Variants in SAMD5 observed in about 807,000 individuals in gnomAD.
SAMD5 encodes the protein sterile alpha motif domain containing 5.
A neutral mutation model predicts 11.3 loss-of-function variants in SAMD5; 13 were observed. That is an observed-to-expected ratio of 1.15 (90% CI 0.75 to 1.83). The LOEUF (loss-of-function observed/expected upper bound fraction) is 1.83, where lower values mean the gene tolerates loss of function less well. SAMD5 is among the 40% of genes most tolerant of loss of function. The pLI, the probability that SAMD5 is intolerant of heterozygous loss-of-function variation, is 0.00. For missense variants in SAMD5, 255 were observed against 239.1 expected (o/e 1.07, Z -0.44); for synonymous variants, 129 against 111.3 (o/e 1.16, Z -1.00).
At chr6:147,856,039 A>T in the SAMD5 span, among the ~76,000 whole-genome samples, 1 of 152,212 alleles carries the variant, frequency 6.6e-6, no homozygotes, top group African/African-American at 2.4e-5. Context: ...ATCCATCAAG[A>T]GATGAATACA....
the SAMD5 span, among the ~76,000 whole-genome samples, chr6:147,831,179 TTTTATC>T: frequency 6.6e-6 from 1 of 152,230 alleles, no homozygotes; most frequent in Non-Finnish European, 1.5e-5. Context: ...TGCAAATTGT[TTTTATC>T]TTAAGAATAA....
At chr6:147,654,637 C>T (rs118055904) in intron 1 of SAMD5, among the ~76,000 whole-genome samples, 1,593 of 152,054 alleles carry the variant, frequency 0.01, 13 homozygotes, top group Non-Finnish European at 0.017. Context: ...CTCCTGCTGC[C>T]GCTGCTGCTG....
At chr6:147,682,137 C>T (rs1384259715) in intron 1 of SAMD5, among the ~76,000 whole-genome samples, 9 of 152,218 alleles carry the variant, frequency 5.9e-5, no homozygotes, top group Non-Finnish European at 1.3e-4. Flanking sequence ...TTTACAGTGG[C>T]ATCAGGCTCT....
intron 1 of SAMD5, among the ~76,000 whole-genome samples, chr6:147,733,546 G>T (rs373226266): frequency 1.3e-5 from 2 of 151,554 alleles, no homozygotes; most frequent in South Asian, 4.2e-4. Flanking sequence ...AGTCACTCCA[G>T]TCAGGACTTG....
rs55877273 is a variant in SAMD5 at position 147,669,420 on chromosome 6, C to CTT, written c.163-67873_163-67872dup. 8.5e-3 allele frequency among the ~76,000 whole-genome samples: 629 copies of CTT among 74,424 alleles called. 1 individual carries two copies. Among genetic ancestry groups the CTT allele is most frequent in the Middle Eastern group, 0.024 (2 of 84 alleles). 48.8% of individuals were successfully genotyped at this position (74,424 alleles called of 152,430 possible). On this transcript the variant is annotated intron_variant, in intron 1 of 1. Coordinates refer to the SAMD5 transcript ENST00000566741. The stretch of plus-strand genomic sequence containing the variant: ...TCAGTTGCATCTTCAAGCTCCACTT[C>CTT]TTTTTTTTTTTTTTTTTTTTTTTTT...
the SAMD5 span, among the ~76,000 whole-genome samples, chr6:147,882,266 A>G: frequency 3.3e-5 from 5 of 152,186 alleles, no homozygotes; most frequent in Non-Finnish European, 7.3e-5. Context: ...TATATTTATT[A>G]TCATTATTTT....
chr6:147,898,892 A>G, the SAMD5 span, among the ~76,000 whole-genome samples: 6 of 152,034 alleles, frequency 3.9e-5, no homozygotes, highest in Admixed American at 1.3e-4. Context: ...ATAAGATAAC[A>G]TGTGTTGGCC....
the SAMD5 span, among the ~76,000 whole-genome samples, chr6:147,793,195 C>G: frequency 3.3e-4 from 50 of 152,232 alleles, no homozygotes; most frequent in East Asian, 6.4e-3. Context: ...TTGACAAGAC[C>G]TGGTGAAAAT....
At chr6:147,937,398 G>T in the SAMD5 span, among the ~76,000 whole-genome samples, 1 of 152,092 alleles carries the variant, frequency 6.6e-6, no homozygotes, top group African/African-American at 2.4e-5. Flanking sequence ...AGGGCTCTCT[G>T]CAGGTTTCCT....
At chr6:147,743,617 G>A in the SAMD5 span, among the ~76,000 whole-genome samples, 10 of 152,136 alleles carry the variant, frequency 6.6e-5, no homozygotes, top group African/African-American at 2.4e-4. Context: ...TTTATTTGAA[G>A]CAAATGCATA....
At chr6:147,816,301 A>AAAAAATATATATATATATATATAT in the SAMD5 span, among the ~76,000 whole-genome samples, 2 of 66,356 alleles carry the variant, frequency 3.0e-5, no homozygotes, top group East Asian at 4.5e-4. Flanking sequence ...AAAAAAAAAA[A>AAAAAATATATATATATATATATAT]ATATATATAT....
At chr6:147,734,753 A>G (rs1372849421) in intron 1 of SAMD5, among the ~76,000 whole-genome samples, 6 of 146,756 alleles carry the variant, frequency 4.1e-5, no homozygotes, top group Non-Finnish European at 7.6e-5. Context: ...GATTTAGAAC[A>G]CAAATCAAAT....
the SAMD5 span, among the ~76,000 whole-genome samples, chr6:147,816,992 T>C: frequency 5.3e-5 from 8 of 152,142 alleles, no homozygotes; most frequent in Non-Finnish European, 1.2e-4. Context: ...AAAAGGTATC[T>C]GATCAGGTTA....
At chr6:147,838,602 T>G in the SAMD5 span, among the ~76,000 whole-genome samples, 4 of 145,258 alleles carry the variant, frequency 2.8e-5, no homozygotes, top group Non-Finnish European at 6.0e-5. Flanking sequence ...TTTTTGTTCC[T>G]TGATGCAATT....
the SAMD5 span, among the ~76,000 whole-genome samples, chr6:147,854,453 G>A: frequency 6.6e-6 from 1 of 152,170 alleles, no homozygotes; most frequent in African/African-American, 2.4e-5. Context: ...CGAAGTGGAG[G>A]ATGAATTAGA....
the SAMD5 span, among the ~76,000 whole-genome samples, chr6:147,795,131 C>T: frequency 6.7e-5 from 10 of 148,616 alleles, no homozygotes; most frequent in South Asian, 2.2e-4. Context: ...TAGTTACATA[C>T]GTATACATGT....
intron 1 of SAMD5, among the ~76,000 whole-genome samples, chr6:147,540,637 C>T (rs1450898555): frequency 3.3e-5 from 5 of 152,228 alleles, no homozygotes; most frequent in Non-Finnish European, 5.9e-5. Context: ...CATTATAGAA[C>T]ACAGAAAAGC....
the SAMD5 span, among the ~76,000 whole-genome samples, chr6:147,945,071 C>G: frequency 6.6e-6 from 1 of 152,244 alleles, no homozygotes; most frequent in Non-Finnish European, 1.5e-5. Flanking sequence ...CAGTTCCAAT[C>G]TCTCTTCCTG....
chr6:147,722,205 C>T (rs1791564602), intron 1 of SAMD5, among the ~76,000 whole-genome samples: 1 of 151,974 alleles, frequency 6.6e-6, no homozygotes. Flanking sequence ...CTTGCCAATA[C>T]CAGCTTATGA....
Sources: gnomAD v4.1 joint callset for allele counts (sites outside exome capture counted in the v4.1 genomes callset) on GRCh38, gnomAD v4.1.1 for gene constraint, MANE v1.5 for transcripts, NCBI Gene and HGNC (gene_info 2026-07-23, HGNC 2026-07-21) for gene names.